The following NRP2 variants were observed in gnomAD, a reference collection of about 807,000 sequenced individuals.
NRP2 encodes the protein neuropilin-2.
A neutral mutation model predicts 110.4 loss-of-function variants in NRP2; 52 were observed. That is an observed-to-expected ratio of 0.47 (90% CI 0.38 to 0.59). The LOEUF (loss-of-function observed/expected upper bound fraction) is 0.59, where lower values mean the gene tolerates loss of function less well. NRP2 is among the 20% of genes least tolerant of loss of function. The pLI is 0.00. For missense variants in NRP2, 1,049 were observed against 1,203.0 expected, an observed-to-expected ratio of 0.87 and a Z score of 1.89; for synonymous variants, 508 against 468.9, an observed-to-expected ratio of 1.08 and a Z score of -1.08.
Position 205,725,509 on chromosome 2 carries a change from G to A in NRP2, c.821-404G>A, listed in dbSNP as rs568948579. On this transcript the variant is annotated intron_variant, in intron 5 of 16. Transcript: ENST00000357785. The surrounding 1 kb of genome is among the most constrained non-coding windows in gnomAD (Gnocchi z 4.1). The stretch of plus-strand genomic sequence containing the variant: ...AGAAAGAAGCAAAAGTGCCTCCTGG[G>A]TGTTTATTAATAAAGCAGGCTTCCC... 1.3e-5 allele frequency among the ~76,000 whole-genome samples: 2 copies of A among 152,270 alleles called. No homozygotes were observed. The highest frequency in any genetic ancestry group is 4.2e-4 in the South Asian group (2 of 4,812).
chr2:205,775,157 C>T (rs565296268), intron 15 of NRP2, among the ~76,000 whole-genome samples: 4 of 152,322 alleles, frequency 2.6e-5, no homozygotes, highest in South Asian at 4.1e-4. Context: ...AAGCATATAT[C>T]ATTTTTCAGA....
chr2:205,727,911 C>T lies in NRP2; in HGVS notation c.1011C>T (p.Thr337=), dbSNP rs775694616. Residue 337 remains threonine (T), a synonymous_variant, in exon 7 of 17, where the codon ACC becomes ACT. Coordinates refer to ENST00000357785, the MANE Select transcript of NRP2 (RefSeq NM_003872.3). ...CCCAGGTGGACCTGCGCTTTTTAAC[C>T]ATGCTCACGGCCATCGCAACACAGG... ...EYLQVDLRFL[T]MLTAIATQGA... 4.3e-6 allele frequency: 7 copies of T among 1,613,800 alleles called. No individual in the cohort carries two copies. The South Asian group carries it at 7.7e-5, about 18-fold the overall frequency.
intron 12 of NRP2, 69 bp downstream of exon 12, chr2:205,753,044 T>G: frequency 6.3e-7 from 1 of 1,590,476 alleles, no homozygotes; most frequent in South Asian, 1.1e-5. Context: ...CAACCCCAGA[T>G]TCCCTTACAA....
chr2:205,769,553 G>T (rs2057986501), intron 15 of NRP2, among the ~76,000 whole-genome samples: 1 of 133,416 alleles, frequency 7.5e-6, no homozygotes, highest in Non-Finnish European at 1.7e-5. Context: ...CACATTGTGT[G>T]CCAGGATGTG....
At chr2:205,732,560 A>C (rs1477610798) in intron 7 of NRP2, among the ~76,000 whole-genome samples, 1 of 152,234 alleles carries the variant, frequency 6.6e-6, no homozygotes, top group Non-Finnish European at 1.5e-5. Context: ...TGCGGCTGCT[A>C]TCGGCAAAGC....
chr2:205,753,091 C>T, intron 12 of NRP2, 116 bp downstream of exon 12: 1 of 1,383,818 alleles, frequency 7.2e-7, no homozygotes, highest in Non-Finnish European at 1.0e-6. Context: ...ATCCTCTATT[C>T]TTTGCCCACA....
chr2:205,735,470 A>ATT (rs1327535640), intron 7 of NRP2, among the ~76,000 whole-genome samples: 1 of 148,102 alleles, frequency 6.8e-6, no homozygotes, highest in Non-Finnish European at 1.5e-5. Context: ...TATATATATA[A>ATT]TTATATATAT....
chr2:205,724,166 G>A (rs1266124280), intron 5 of NRP2, among the ~76,000 whole-genome samples: 2 of 152,164 alleles, frequency 1.3e-5, no homozygotes, highest in South Asian at 2.1e-4. Flanking sequence ...ATATATATGT[G>A]TGTAACAAGA....
At chr2:205,706,811 C>A (rs1419590288) in intron 2 of NRP2, among the ~76,000 whole-genome samples, 1 of 152,142 alleles carries the variant, frequency 6.6e-6, no homozygotes, top group Non-Finnish European at 1.5e-5. Flanking sequence ...ACTGCCTGGG[C>A]CTTTATACAC....
chr2:205,752,934 C>T lies in NRP2; in HGVS notation c.2003C>T (p.Thr668Ile), dbSNP rs1000014176. The change falls in exon 12 of 17, where the codon ACC becomes ATC. Residue 668 changes from threonine (T) to isoleucine (I), a missense_variant. Coordinates refer to ENST00000357785, the MANE Select transcript of NRP2 (RefSeq NM_003872.3). ...MYDHAKWLRT[T>I]WASSSSPNDR... ...GACCATGCCAAGTGGCTCCGGACCA[C>T]CTGGGCCAGCAGCTCCAGCCCAAAC... The T allele has an allele frequency of 3.7e-6, 6 of 1,614,072 alleles. No homozygotes were observed. Among genetic ancestry groups the T allele is most frequent in the Non-Finnish European group, 5.1e-6 (6 of 1,180,032 alleles).
rs759744241 is a variant in NRP2, at chr2:205,745,789, G to A, written c.1685G>A (p.Arg562Lys). Reference sequence around the variant, plus strand: ...CACTATGACACCCCTGACATCCGAAGGTTTGACCCCATTCCGGCACAGTAT... The same window carrying A: ...CACTATGACACCCCTGACATCCGAAAGTTTGACCCCATTCCGGCACAGTAT... ...NMHYDTPDIR[R>K]FDPIPAQYVR... Residue 562 changes from arginine to lysine, a missense_variant, in exon 10 of 17, where the codon AGG becomes AAG. Physicochemically the swap from Arg to Lys is conservative, Grantham distance 26. Transcript: ENST00000357785. 2.1e-5 allele frequency: 34 copies of A among 1,614,246 alleles called. No homozygotes were observed. Among genetic ancestry groups the A allele is most frequent in the Non-Finnish European group, 2.7e-5 (32 of 1,180,040 alleles).
chr2:205,727,815 G>T (rs2057156457), intron 6 of NRP2, 76 bp from the exon 7 acceptor site: 18 of 1,452,072 alleles, frequency 1.2e-5, no homozygotes, highest in Non-Finnish European at 1.5e-5. Flanking sequence ...TCTAATGATT[G>T]TGTCCTTTGG....
Position 205,740,600 on chromosome 2 carries a change from C to T in NRP2, c.1228C>T (p.Arg410Cys), listed in dbSNP as rs1216220931. The T allele has an allele frequency of 1.2e-5, 20 of 1,614,192 alleles. No individual in the cohort carries two copies. Among genetic ancestry groups the T allele is most frequent in the Middle Eastern group, 1.6e-4 (1 of 6,062 alleles). The change falls in exon 8 of 17, where the codon CGC becomes TGC. Residue 410 changes from arginine to cysteine, a missense_variant. Transcript: ENST00000357785. Reference sequence around the variant, plus strand: ...ACTGCTGACAAGGTTTGTTAGAATCCGCCCTCAGACCTGGCACTCAGGTAT... The same window carrying T: ...ACTGCTGACAAGGTTTGTTAGAATCTGCCCTCAGACCTGGCACTCAGGTAT... ...APLLTRFVRI[R>C]PQTWHSGIAL...
chr2:205,743,504 C>T lies in NRP2; in HGVS notation c.1593C>T (p.Asn531=), dbSNP rs373025184. The T allele has an allele frequency of 8.4e-5, 135 of 1,614,200 alleles. No individual in the cohort carries two copies. The highest frequency in any genetic ancestry group is 5.7e-4 in the African/African-American group (43 of 75,060). ...VRKFKVSYSL[N]GKDWEYIQDP... ...AGTTCAAAGTCTCCTACAGCCTAAA[C>T]GGCAAGGACTGGGAATACATTCAGG... is the stretch of plus-strand genomic sequence containing the variant. The change falls in exon 9 of 17, where the codon AAC becomes AAT. Residue 531 remains asparagine, a synonymous_variant. Coordinates refer to ENST00000357785, the MANE Select transcript of NRP2 (RefSeq NM_003872.3).
intron 15 of NRP2, among the ~76,000 whole-genome samples, chr2:205,791,182 C>T (rs540176182): frequency 2.0e-5 from 3 of 152,176 alleles, no homozygotes; most frequent in Non-Finnish European, 4.4e-5. Flanking sequence ...TTTTCTCCCT[C>T]TTGTCTGATA....
At chr2:205,777,282 C>A in intron 15 of NRP2, 1 of 317,782 alleles carries the variant, frequency 3.1e-6, no homozygotes, top group South Asian at 1.3e-4. Flanking sequence ...AGAGAAGGTT[C>A]CCCTAGCACA....
intron 2 of NRP2, among the ~76,000 whole-genome samples, chr2:205,705,805 C>A (rs2056663123): frequency 6.6e-6 from 1 of 152,090 alleles, no homozygotes; most frequent in South Asian, 2.1e-4. Flanking sequence ...CTGTGTCAAT[C>A]TGCTTGGAGC....
At chr2:205,698,871 G>A (rs1441921064) in intron 2 of NRP2, among the ~76,000 whole-genome samples, 4 of 152,244 alleles carry the variant, frequency 2.6e-5, no homozygotes, top group Non-Finnish European at 5.9e-5. Context: ...CCAGCTGGCA[G>A]GACAGGTACC....
chr2:205,744,463 C>T (rs1218368891), intron 9 of NRP2, among the ~76,000 whole-genome samples: 2 of 152,196 alleles, frequency 1.3e-5, no homozygotes, highest in Non-Finnish European at 2.9e-5. Flanking sequence ...GCAAGAGAAA[C>T]TCACCCCGAG....
Sources: gnomAD v4.1 joint callset for allele counts (sites outside exome capture counted in the v4.1 genomes callset) on GRCh38, gnomAD v4.1.1 for gene constraint, Gnocchi (gnomAD v3.1) non-coding constraint, MANE v1.5 for transcripts, NCBI Gene and HGNC (gene_info 2026-07-23, HGNC 2026-07-21) for gene names.